Variants in SUPT3H observed in about 807,000 individuals in gnomAD.
SUPT3H encodes SPT3 homolog, SAGA and STAGA complex component.
Under a neutral mutation model 44.3 loss-of-function variants are expected in SUPT3H, and 44 were observed. The observed-to-expected ratio is 0.99, with a 90% CI of 0.78 to 1.28. The LOEUF (loss-of-function observed/expected upper bound fraction) is 1.28. Among genes scored for constraint, SUPT3H ranks in the 50% most tolerant of loss-of-function variants. SUPT3H has a pLI of 0.00. For synonymous variants in SUPT3H, 124 were observed against 125.6 expected (o/e 0.99, Z 0.09); for missense variants, 380 against 387.1 (o/e 0.98, Z 0.15).
At chr6:45,293,251 G>A (rs575605867) in intron 2 of SUPT3H, among the ~76,000 whole-genome samples, 2 of 152,206 alleles carry the variant, frequency 1.3e-5, no homozygotes, top group East Asian at 1.9e-4. Flanking sequence ...GGTCAAAAAT[G>A]AAATCAAAAT....
intron 3 of SUPT3H, among the ~76,000 whole-genome samples, chr6:45,100,541 T>TA (rs58120512): frequency 0.32 from 10,596 of 33,306 alleles, 2,502 homozygotes; most frequent in Non-Finnish European, 0.38. Context: ...ACCCTGTACT[T>TA]AAAAAAAAAA....
intron 2 of SUPT3H, among the ~76,000 whole-genome samples, chr6:45,144,788 GA>G (rs1805770511): frequency 6.6e-6 from 1 of 151,956 alleles, no homozygotes; most frequent in Non-Finnish European, 1.5e-5. Flanking sequence ...TCCTAGATTT[GA>G]TAAATGAATT....
In SUPT3H at chr6:45,322,923, A is replaced by C. The variant is rs368081440; in HGVS notation, c.101+42278T>G. 1.9e-6 allele frequency: 3 copies of C among 1,612,832 alleles called. No individual in the cohort carries two copies. In the African/African-American group the frequency reaches 4.0e-5, roughly 22 times the overall value. On this transcript the variant is annotated intron_variant, in intron 2 of 10. Coordinates refer to ENST00000371459, the MANE Select transcript of SUPT3H (RefSeq NM_003599.4). Reference sequence around the variant, plus strand: ...TTGTTCCAAAGACCACCATGAGTCCATGGAGAAAAGCCACAGTGCTACAGC... The same window carrying C: ...TTGTTCCAAAGACCACCATGAGTCCCTGGAGAAAAGCCACAGTGCTACAGC...
intron 2 of SUPT3H, among the ~76,000 whole-genome samples, chr6:45,180,847 C>A (rs1813024633): frequency 6.6e-6 from 1 of 151,440 alleles, no homozygotes; most frequent in Admixed American, 6.6e-5. Context: ...GCAATGGCAA[C>A]CAAAGCCAAA....
chr6:45,281,227 A>G (rs1777994027), intron 2 of SUPT3H, among the ~76,000 whole-genome samples: 1 of 152,186 alleles, frequency 6.6e-6, no homozygotes, highest in South Asian at 2.1e-4. Flanking sequence ...CTCACTGTGG[A>G]CTGTCAGACA....
intron 2 of SUPT3H, among the ~76,000 whole-genome samples, chr6:45,355,853 T>G (rs958763010): frequency 2.4e-4 from 37 of 152,280 alleles, no homozygotes; most frequent in African/African-American, 8.7e-4. Context: ...AGAATGTTAT[T>G]TTTGTTGAAT....
At chr6:44,976,166 A>C (rs1562179283) in intron 6 of SUPT3H, among the ~76,000 whole-genome samples, 1 of 152,074 alleles carries the variant, frequency 6.6e-6, no homozygotes, top group Non-Finnish European at 1.5e-5. Context: ...AACAAAAGGA[A>C]GAAAATTTTT....
intron 2 of SUPT3H, among the ~76,000 whole-genome samples, chr6:45,153,608 C>G (rs1807300049): frequency 6.6e-6 from 1 of 152,178 alleles, no homozygotes; most frequent in Admixed American, 6.6e-5. Context: ...CAGTGGCCCA[C>G]ACCTGTAATC....
intron 2 of SUPT3H, among the ~76,000 whole-genome samples, chr6:45,271,003 T>C (rs1776042405): frequency 1.3e-5 from 2 of 152,236 alleles, no homozygotes; most frequent in African/African-American, 4.8e-5. Context: ...TGTGGAACTT[T>C]GAACTTGAGA....
chr6:44,928,907 AAAG>A (rs1562065487), intron 10 of SUPT3H, among the ~76,000 whole-genome samples: 3 of 140,008 alleles, frequency 2.1e-5, no homozygotes, highest in Non-Finnish European at 3.1e-5. Context: ...AAAAAAAAGA[AAAG>A]AAAAGAAACA....
chr6:44,963,594 G>C (rs1360195), intron 6 of SUPT3H, among the ~76,000 whole-genome samples: 17,479 of 152,242 alleles, frequency 0.11, 1,410 homozygotes, highest in East Asian at 0.27. Flanking sequence ...TTAAATGCAT[G>C]ATCTAGTTTT....
rs944190101 is a variant in SUPT3H, at chr6:44,953,341, G to T, written c.770C>A (p.Ala257Glu). Reference protein sequence around the residue: ...AGDPFSHAISATFIQYHNSAE... With the variant: ...AGDPFSHAISETFIQYHNSAE... Reference sequence around the variant, plus strand: ...AGAGTTGTGATACTGAATGAAGGTTGCAGAAATGGCATGGCTGAAGGGGTC... The same window carrying T: ...AGAGTTGTGATACTGAATGAAGGTTTCAGAAATGGCATGGCTGAAGGGGTC... The change falls in exon 9 of 11, where the codon GCA becomes GAA. Residue 257 changes from alanine to glutamate, a missense_variant. Transcript: ENST00000371459. 2 of 1,613,978 alleles carry T rather than the reference G, an allele frequency of 1.2e-6. No homozygotes were observed. The highest frequency in any genetic ancestry group is 1.7e-6 in the Non-Finnish European group (2 of 1,179,974).
chr6:45,019,036 G>A (rs546511999), intron 4 of SUPT3H, among the ~76,000 whole-genome samples: 2 of 152,252 alleles, frequency 1.3e-5, no homozygotes, highest in South Asian at 2.1e-4. Context: ...TCTGTTGTTG[G>A]TCTATTCAGA....
chr6:45,268,645 C>G (rs545811196), intron 2 of SUPT3H, among the ~76,000 whole-genome samples: 7 of 151,670 alleles, frequency 4.6e-5, no homozygotes, highest in Admixed American at 4.6e-4. Flanking sequence ...ACACAGAAAA[C>G]AAAAACCATA....
At chr6:45,089,389 T>C (rs1245974192) in intron 3 of SUPT3H, among the ~76,000 whole-genome samples, 1 of 152,026 alleles carries the variant, frequency 6.6e-6, no homozygotes, top group Non-Finnish European at 1.5e-5. Context: ...TTGAGTGGCG[T>C]CACCCATTTC....
At chr6:44,853,884 T>G (rs1020609268) in intron 10 of SUPT3H, among the ~76,000 whole-genome samples, 4 of 152,066 alleles carry the variant, frequency 2.6e-5, no homozygotes, top group African/African-American at 9.7e-5. Context: ...AGTGGAAATT[T>G]CATTTACAAA....
intron 2 of SUPT3H, among the ~76,000 whole-genome samples, chr6:45,220,858 C>G (rs372662879): frequency 6.6e-6 from 1 of 152,182 alleles, no homozygotes; most frequent in African/African-American, 2.4e-5. Context: ...TTTGACCCAG[C>G]AATCCCATTA....
Position 45,269,973 on chromosome 6 carries a change from C to T in SUPT3H, c.101+95228G>A, listed in dbSNP as rs751006446. 3.8e-4 allele frequency among the ~76,000 whole-genome samples: 58 copies of T among 152,246 alleles called. 2 individuals are homozygous for T. Among genetic ancestry groups the T allele is most frequent in the Middle Eastern group, 3.4e-3 (1 of 294 alleles). The stretch of plus-strand genomic sequence containing the variant: ...CCCTGCTCCCAGCCCTAGGCAACCA[C>T]GGATCTATCCTGTTTCTATAGATTT... On this transcript the variant is annotated intron_variant, in intron 2 of 10. Coordinates refer to ENST00000371459, the MANE Select transcript of SUPT3H (RefSeq NM_003599.4).
chr6:44,910,311 T>C (rs1766811135), intron 10 of SUPT3H, among the ~76,000 whole-genome samples: 1 of 152,236 alleles, frequency 6.6e-6, no homozygotes, highest in Admixed American at 6.5e-5. Flanking sequence ...CAGTCTCTTA[T>C]CTTCTCCCAA....
Sources: allele counts gnomAD v4.1 joint callset (sites outside exome capture counted in the v4.1 genomes callset), GRCh38; gene constraint gnomAD v4.1.1; transcripts MANE v1.5; gene names NCBI Gene and HGNC (gene_info 2026-07-23, HGNC 2026-07-21).